Variants in MATN2 observed in about 807,000 individuals in gnomAD.
MATN2 encodes matrilin 2, also known as matrilin-2.
In MATN2, 69 loss-of-function variants were observed where a neutral mutation model predicts 103.2. That is an observed-to-expected ratio of 0.67 (90% confidence interval 0.55 to 0.82). The LOEUF (loss-of-function observed/expected upper bound fraction) is 0.82, where lower values mean the gene tolerates loss of function less well. Ranked by LOEUF, MATN2 falls within the 40% of genes least tolerant of loss-of-function variation. The pLI, the probability that MATN2 is intolerant of heterozygous loss-of-function variation, is 0.00. For missense variants in MATN2, 1,023 were observed against 1,211.5 expected, an observed-to-expected ratio of 0.84 and a Z score of 2.31; for synonymous variants, 429 against 450.2, an observed-to-expected ratio of 0.95 and a Z score of 0.60.
chr8:97,883,554 A>ATT (rs552141646), intron 1 of MATN2, among the ~76,000 whole-genome samples: 4,515 of 133,138 alleles, frequency 0.034, 158 homozygotes, highest in Non-Finnish European at 0.05. Context: ...TTCCCAGCTA[A>ATT]TTTTTTTTTT....
At chr8:98,024,525 A>T (rs1813719251) in intron 13 of MATN2, among the ~76,000 whole-genome samples, 1 of 152,024 alleles carries the variant, frequency 6.6e-6, no homozygotes, top group Non-Finnish European at 1.5e-5. Context: ...AACAACAACA[A>T]CAAACAAACA....
chr8:97,885,622 G>T (rs975675066), intron 1 of MATN2, among the ~76,000 whole-genome samples: 1 of 151,930 alleles, frequency 6.6e-6, no homozygotes, highest in African/African-American at 2.4e-5. Context: ...TATGAAAAGG[G>T]ATCAATCTAA....
chr8:97,914,881 A>G (rs1449002958), intron 2 of MATN2, among the ~76,000 whole-genome samples: 1 of 151,984 alleles, frequency 6.6e-6, no homozygotes, highest in Non-Finnish European at 1.5e-5. Context: ...TAATAACATC[A>G]TCCTATTATA....
At chr8:97,911,457 C>G (rs1270114990) in intron 2 of MATN2, among the ~76,000 whole-genome samples, 3 of 151,816 alleles carry the variant, frequency 2.0e-5, no homozygotes, top group Non-Finnish European at 2.9e-5. Context: ...ACCTGTAATC[C>G]CAGCACTTTG....
intron 1 of MATN2, among the ~76,000 whole-genome samples, chr8:97,869,722 G>A (rs1817830605): frequency 6.6e-6 from 1 of 152,186 alleles, no homozygotes; most frequent in South Asian, 2.1e-4. Flanking sequence ...TTTCATGCCC[G>A]TGTCATCTGG....
chr8:98,017,121 G>C (rs1231727928), intron 11 of MATN2, among the ~76,000 whole-genome samples: 2 of 152,236 alleles, frequency 1.3e-5, no homozygotes. Flanking sequence ...TGGTTTGGCA[G>C]TATACTCTAG....
chr8:97,871,371 G>A (rs1817891504), intron 1 of MATN2, among the ~76,000 whole-genome samples: 1 of 152,242 alleles, frequency 6.6e-6, no homozygotes, highest in African/African-American at 2.4e-5. Context: ...AAGAGGGTGT[G>A]ACAGGTCTAA....
In MATN2 at chr8:97,890,274, G is replaced by C. The variant is rs551327002; in HGVS notation, c.142+2032G>C. Among the ~76,000 whole-genome samples the C allele has an allele frequency of 5.9e-4, 90 of 152,238 alleles. No homozygotes were observed. The South Asian group carries it at 0.018, about 31-fold the overall frequency. ...AAGGTCAGGAGTTCGAGACCAGCCT[G>C]ACCAACATGGTGAAACCCTGTCTCT... On this transcript the variant is annotated intron_variant, in intron 2 of 18. Coordinates refer to ENST00000254898, the MANE Select transcript of MATN2 (RefSeq NM_002380.5).
At chr8:97,952,478 C>T (rs1810988194) in intron 4 of MATN2, among the ~76,000 whole-genome samples, 1 of 152,182 alleles carries the variant, frequency 6.6e-6, no homozygotes, top group South Asian at 2.1e-4. Flanking sequence ...GCTCCCCCCT[C>T]AGTTCTGCCT....
intron 1 of MATN2, among the ~76,000 whole-genome samples, chr8:97,882,349 A>C (rs1818283981): frequency 6.6e-6 from 1 of 152,008 alleles, no homozygotes; most frequent in Admixed American, 6.6e-5. Context: ...AAGGAACTTT[A>C]GAAGATTTCA....
intron 2 of MATN2, among the ~76,000 whole-genome samples, chr8:97,915,089 C>T (rs957923621): frequency 4.6e-5 from 7 of 151,852 alleles, no homozygotes; most frequent in Admixed American, 2.6e-4. Context: ...TGGGCTCAAG[C>T]GATCCTCCCG....
rs774043797 is a variant in MATN2, at chr8:98,021,315, A to G, written c.1930A>G (p.Arg644Gly). 10 of 1,613,292 alleles carry G rather than the reference A, an allele frequency of 6.2e-6. No homozygotes were observed. Among genetic ancestry groups the G allele is most frequent in the Non-Finnish European group, 7.6e-6 (9 of 1,179,386 alleles). Residue 644 changes from arginine (R) to glycine (G), a missense_variant, in exon 13 of 19, where the codon AGA (arginine) becomes GGA (glycine). Arg to Gly is a moderately radical substitution (Grantham distance 125). Coordinates refer to ENST00000254898, the MANE Select transcript of MATN2 (RefSeq NM_002380.5). ...SEGFVLAEDG[R>G]RCKKCTEGPI... ...GGGATTTGTTCTAGCTGAGGACGGA[A>G]GACGGTGCAAGAGTAAGTGATCTGA...
Position 97,953,202 on chromosome 8 carries a change from C to T in MATN2, c.836-8206C>T, listed in dbSNP as rs1281452688. On this transcript the variant is annotated intron_variant, in intron 4 of 18. Transcript: ENST00000254898. ...TTATAGGTGTGACCCATCGTGCCGG[C>T]CCATGTTTGCAGCTTTTATAGGTAC... 2.6e-5 allele frequency among the ~76,000 whole-genome samples: 4 copies of T among 152,006 alleles called. No homozygotes were observed. In the East Asian group the frequency reaches 7.7e-4, roughly 29 times the overall value.
chr8:97,966,526 G>A (rs543790231), intron 5 of MATN2, among the ~76,000 whole-genome samples: 18 of 151,258 alleles, frequency 1.2e-4, no homozygotes, highest in African/African-American at 3.9e-4. Context: ...TGATAGTGCC[G>A]CTGCACTCTA....
intron 2 of MATN2, among the ~76,000 whole-genome samples, chr8:97,912,191 T>C (rs1809470322): frequency 6.6e-6 from 1 of 152,254 alleles, no homozygotes; most frequent in South Asian, 2.1e-4. Context: ...TAAATGCTTT[T>C]CTATTATCGG....
At chr8:98,028,551 A>C (rs961233209) in intron 14 of MATN2, among the ~76,000 whole-genome samples, 2 of 152,124 alleles carry the variant, frequency 1.3e-5, no homozygotes, top group African/African-American at 4.8e-5. Context: ...CTTGAGGGAG[A>C]TAAGAAAACT....
At chr8:98,017,923 G>A in intron 11 of MATN2, 71 bp from the exon 12 acceptor site, 1 of 1,566,702 alleles carries the variant, frequency 6.4e-7, no homozygotes, top group Non-Finnish European at 8.7e-7. Flanking sequence ...CCAGTGGATG[G>A]GTCCTCCAAG....
At chr8:97,958,528 C>T (rs2444876) in intron 4 of MATN2, among the ~76,000 whole-genome samples, 46,632 of 152,118 alleles carry the variant, frequency 0.31, 8,576 homozygotes, top group Non-Finnish European at 0.41. Context: ...GGCTGACAGC[C>T]GATGGGTGAG....
intron 2 of MATN2, among the ~76,000 whole-genome samples, chr8:97,888,810 G>A (rs1407782479): frequency 1.3e-5 from 2 of 152,184 alleles, no homozygotes; most frequent in Non-Finnish European, 2.9e-5. Context: ...AGCCTGGCAT[G>A]TGGAGGTTAT....
Sources: allele counts gnomAD v4.1 joint callset (sites outside exome capture counted in the v4.1 genomes callset), GRCh38; gene constraint gnomAD v4.1.1; transcripts MANE v1.5; gene names NCBI Gene and HGNC (gene_info 2026-07-23, HGNC 2026-07-21).